CPLX1: variants seen among roughly 807,000 people sequenced by gnomAD.
The protein encoded by CPLX1 is complexin-1.
CPLX1 carries 6 observed loss-of-function variants against 15.6 expected under a neutral mutation model. The observed-to-expected ratio is 0.39, with a 90% CI of 0.21 to 0.76. The LOEUF (loss-of-function observed/expected upper bound fraction) is 0.76. CPLX1 is among the 30% of genes least tolerant of loss of function. The probability of loss-of-function intolerance (pLI) is 0.43; values close to 1 mark genes in which losing one functional copy is unlikely to be tolerated. For synonymous variants in CPLX1, 91 were observed against 75.2 expected (o/e 1.21, Z -1.08); for missense variants, 242 against 188.6 (o/e 1.28, Z -1.66).
At chr4:800,132 G>A (rs563082832) in intron 2 of CPLX1, among the ~76,000 whole-genome samples, 3 of 152,116 alleles carry the variant, frequency 2.0e-5, no homozygotes, top group South Asian at 2.1e-4. Flanking sequence ...CCCTGCTGTT[G>A]TCCACTGCCG....
intron 3 of CPLX1, chr4:787,116 C>T: frequency 1.0e-6 from 1 of 985,408 alleles, no homozygotes; most frequent in South Asian, 4.7e-5. Context: ...ACCCTCCTGC[C>T]CAGTGCCTGG....
intron 2 of CPLX1, among the ~76,000 whole-genome samples, chr4:817,022 T>A (rs1463632772): frequency 2.6e-5 from 4 of 152,000 alleles, no homozygotes; most frequent in South Asian, 4.1e-4. Context: ...GTCCCTACAT[T>A]AAGTTAAAAT....
At chr4:787,583 G>T (rs551975877) in intron 3 of CPLX1, 1 of 759,588 alleles carries the variant, frequency 1.3e-6, no homozygotes, top group Non-Finnish European at 1.6e-6. Flanking sequence ...ATACGAAAGC[G>T]GAGGAGGTCG....
intron 2 of CPLX1, among the ~76,000 whole-genome samples, chr4:818,010 C>A (rs1285627510): frequency 6.6e-6 from 1 of 152,230 alleles, no homozygotes; most frequent in African/African-American, 2.4e-5. Flanking sequence ...ACCTGTCATC[C>A]CTGAGCGCAT....
chr4:790,865 G>A (rs1432625059), intron 3 of CPLX1, among the ~76,000 whole-genome samples: 2 of 151,842 alleles, frequency 1.3e-5, no homozygotes, highest in Non-Finnish European at 2.9e-5. Flanking sequence ...GGCCTTGATT[G>A]CTGTCTCTCC....
At chr4:797,333 A>C (rs1746361607) in intron 2 of CPLX1, among the ~76,000 whole-genome samples, 1 of 152,134 alleles carries the variant, frequency 6.6e-6, no homozygotes, top group Non-Finnish European at 1.5e-5. Flanking sequence ...AGCCTGCCAC[A>C]CAGCAGGTGC....
Position 818,551 on chromosome 4 carries a change from G to A in CPLX1, c.31+5941C>T, listed in dbSNP as rs570304016. On this transcript the variant is annotated intron_variant, in intron 2 of 3. Coordinates refer to ENST00000304062, the MANE Select transcript of CPLX1 (RefSeq NM_006651.4). ...TTCATTAGCTCACCTGGGATGAGAC[G>A]CTGACCTGAGCTGGAGCTGGGGTCC... 5.9e-5 allele frequency among the ~76,000 whole-genome samples: 9 copies of A among 152,366 alleles called. No homozygotes were observed. The East Asian group carries it at 9.6e-4, about 16-fold the overall frequency.
intron 2 of CPLX1, chr4:804,653 C>T (rs1172683421): frequency 5.9e-6 from 5 of 845,242 alleles, no homozygotes; most frequent in Non-Finnish European, 7.1e-6. Flanking sequence ...TAAACTCCAA[C>T]GCTTTTGTTC....
At chr4:803,388 CTT>C (rs1180551694) in intron 2 of CPLX1, among the ~76,000 whole-genome samples, 1 of 149,952 alleles carries the variant, frequency 6.7e-6, no homozygotes, top group African/African-American at 2.4e-5. Flanking sequence ...CTCACGGTGC[CTT>C]TTCTTTCCTT....
intron 2 of CPLX1, among the ~76,000 whole-genome samples, chr4:801,081 G>C (rs113752796): frequency 0.23 from 34,202 of 151,338 alleles, 4,635 homozygotes; most frequent in Middle Eastern, 0.34. Flanking sequence ...TTGGGAAGTC[G>C]AGGCGGGCAG....
intron 2 of CPLX1, among the ~76,000 whole-genome samples, chr4:807,022 C>T (rs1417906432): frequency 2.6e-5 from 4 of 152,138 alleles, no homozygotes; most frequent in African/African-American, 7.2e-5. Context: ...GATATATGTA[C>T]GTGTATGTTC....
intron 2 of CPLX1, among the ~76,000 whole-genome samples, chr4:804,503 C>T (rs1307046296): frequency 6.6e-6 from 1 of 151,576 alleles, no homozygotes; most frequent in Non-Finnish European, 1.5e-5. Flanking sequence ...GAACCTATAT[C>T]AGAAAAAAAT....
At position 786,541 on chromosome 4, in the gene CPLX1, T is replaced by G; in HGVS notation, c.365A>C (p.Lys122Thr). 5.0e-6 allele frequency: 8 copies of G among 1,606,874 alleles called. No homozygotes were observed. Among genetic ancestry groups the G allele is most frequent in the Non-Finnish European group, 6.8e-6 (8 of 1,176,870 alleles). Reference sequence around the variant, plus strand: ...GTCCTGCAGCGGCCCGGGCAGGTACTTGATGACGGTGTCCAGGATGCTCTC... The same window carrying G: ...GTCCTGCAGCGGCCCGGGCAGGTACGTGATGACGGTGTCCAGGATGCTCTC... ...EDESILDTVI[K>T]YLPGPLQDML... Residue 122 changes from lysine to threonine, a missense_variant, in exon 4 of 4, where the codon AAG (lysine) becomes ACG (threonine). By Grantham distance (78) the Lys-to-Thr change is moderately conservative (BLOSUM62 -1). Transcript: ENST00000304062.
At chr4:806,249 C>G (rs1577478191) in intron 2 of CPLX1, among the ~76,000 whole-genome samples, 1 of 152,138 alleles carries the variant, frequency 6.6e-6, no homozygotes, top group South Asian at 2.1e-4. Flanking sequence ...AATAAGCCTG[C>G]ACACCTACAA....
At chr4:799,288 G>A (rs953916479) in intron 2 of CPLX1, among the ~76,000 whole-genome samples, 1 of 152,194 alleles carries the variant, frequency 6.6e-6, no homozygotes. Flanking sequence ...CCTTTTCATC[G>A]GTCGCATTTC....
intron 3 of CPLX1, chr4:788,668 G>C: frequency 1.2e-6 from 1 of 849,064 alleles, no homozygotes; most frequent in South Asian, 5.4e-5. Context: ...GCAGCTCCAG[G>C]CACGGAAGTG....
At chr4:787,735 G>A in intron 3 of CPLX1, 1 of 985,278 alleles carries the variant, frequency 1.0e-6, no homozygotes. Context: ...CAGGCCCCGG[G>A]GTTTTGGTTT....
At position 787,442 on chromosome 4, in the gene CPLX1, G is replaced by A. The variant is rs1039449103; in HGVS notation, c.208-744C>T. On this transcript the variant is annotated intron_variant, in intron 3 of 3. Coordinates refer to ENST00000304062, the MANE Select transcript of CPLX1 (RefSeq NM_006651.4). ...TGGAGCTTCAAAGGTGATCTCATTC[G>A]GAAACAGGTCTTTGTTGATCTCATA... 15 of 936,946 alleles carry A rather than the reference G, an allele frequency of 1.6e-5. No individual in the cohort carries two copies. The Admixed American group carries it at 2.5e-4, about 15-fold the overall frequency. 58.0% of individuals were successfully genotyped at this position (936,946 alleles called of 1,614,324 possible).
In CPLX1 at chr4:786,598, G is replaced by C; in HGVS notation, c.308C>G (p.Pro103Arg). Residue 103 changes from proline (P) to arginine (R), a missense_variant, in exon 4 of 4, where the codon CCG becomes CGG. Coordinates refer to ENST00000304062, the MANE Select transcript of CPLX1 (RefSeq NM_006651.4). ...SLTRPKKAIP[P>R]GCGDEVEEED... Reference sequence around the variant, plus strand: ...CTCCTCCACCTCGTCCCCGCAGCCCGGCGGGATGGCCTTCTTGGGCCGCGT... The same window carrying C: ...CTCCTCCACCTCGTCCCCGCAGCCCCGCGGGATGGCCTTCTTGGGCCGCGT... 1 of 1,612,252 alleles carries C rather than the reference G, an allele frequency of 6.2e-7. No homozygotes were observed. Among genetic ancestry groups the C allele is most frequent in the Non-Finnish European group, 8.5e-7 (1 of 1,179,346 alleles).
Sources: gnomAD v4.1 joint callset for allele counts (sites outside exome capture counted in the v4.1 genomes callset) on GRCh38, gnomAD v4.1.1 for gene constraint, MANE v1.5 for transcripts, NCBI Gene and HGNC (gene_info 2026-07-23, HGNC 2026-07-21) for gene names.